DIAPH2: variants seen among roughly 807,000 people sequenced by gnomAD.
The protein encoded by DIAPH2 is protein diaphanous homolog 2.
In DIAPH2, 35 loss-of-function variants were observed where a neutral mutation model predicts 92.7. That is an observed-to-expected ratio of 0.38 (90% CI 0.29 to 0.50). The LOEUF is 0.50. Ranked by LOEUF, DIAPH2 falls within the 20% of genes least tolerant of loss-of-function variation. The probability of loss-of-function intolerance (pLI) is 0.94; values close to 1 mark genes in which losing one functional copy is unlikely to be tolerated. For missense variants in DIAPH2, 701 were observed against 819.5 expected (o/e 0.86, Z 1.77); for synonymous variants, 301 against 280.4 (o/e 1.07, Z -0.73).
intron 26 of DIAPH2, among the ~76,000 whole-genome samples, chrX:97,572,671 C>A (rs1276795615): frequency 2.7e-5 from 3 of 112,011 alleles, no homozygotes; most frequent in Non-Finnish European, 3.8e-5. Context: ...TTTTCTTTTT[C>A]TTTATTTGCC....
intron 4 of DIAPH2, among the ~76,000 whole-genome samples, chrX:96,779,189 CCTT>C (rs2064398785): frequency 8.9e-6 from 1 of 111,770 alleles, no homozygotes; most frequent in African/African-American, 3.2e-5. Flanking sequence ...ACCTCTTTAA[CCTT>C]CTTTGACTTT....
At chrX:97,564,526 A>C (rs1388933539) in intron 26 of DIAPH2, 1 of 111,904 alleles carries the variant, frequency 8.9e-6, no homozygotes, top group Non-Finnish European at 1.9e-5. Flanking sequence ...TAGCAGAAGG[A>C]GTAGAAGGGC....
At chrX:97,289,221 T>C (rs752519384) in intron 23 of DIAPH2, among the ~76,000 whole-genome samples, 6 of 112,082 alleles carry the variant, frequency 5.4e-5, no homozygotes, top group African/African-American at 1.6e-4. Context: ...TTCCCAGGTG[T>C]TGAAATGGTA....
chrX:97,453,918 C>A (rs1477181021), intron 26 of DIAPH2: 2 of 111,701 alleles, frequency 1.8e-5, no homozygotes, highest in Non-Finnish European at 3.8e-5. Flanking sequence ...TATTCTGTAA[C>A]ATTGCAGCAC....
intron 24 of DIAPH2, among the ~76,000 whole-genome samples, chrX:97,372,999 G>A (rs2069463073): frequency 9.1e-6 from 1 of 110,281 alleles, no homozygotes; most frequent in Admixed American, 9.6e-5. Flanking sequence ...AGAAAGAAAA[G>A]CCGTGTAACA....
chrX:97,599,150 G>A, intron 26 of DIAPH2, 103 bp from the exon 27 acceptor site: 1 of 470,616 alleles, frequency 2.1e-6, no homozygotes, highest in East Asian at 5.0e-5. Flanking sequence ...CATTTGAAGT[G>A]ATTTTTCAGG....
chrX:97,590,428 T>C, intron 26 of DIAPH2, among the ~76,000 whole-genome samples: 1 of 111,984 alleles, frequency 8.9e-6, no homozygotes, highest in East Asian at 2.8e-4. Context: ...AGATGACAGG[T>C]AAGTGTATTC....
chrX:96,890,184 C>T (rs150988869), intron 5 of DIAPH2, among the ~76,000 whole-genome samples: 26 of 110,584 alleles, frequency 2.4e-4, no homozygotes, highest in Middle Eastern at 4.6e-3. Context: ...GATCACTCCT[C>T]TGTGGTGACC....
At chrX:97,293,239 C>CT (rs2068610122) in intron 23 of DIAPH2, among the ~76,000 whole-genome samples, 1 of 70,949 alleles carries the variant, frequency 1.4e-5, no homozygotes, top group African/African-American at 5.4e-5. Flanking sequence ...GTTGATATTT[C>CT]TTTCTTTTTT....
In DIAPH2 at chrX:97,488,930, T is replaced by C. The variant is rs186019203; in HGVS notation, c.3241+59185T>C. Among the ~76,000 whole-genome samples the C allele has an allele frequency of 2.8e-4, 31 of 112,213 alleles. No individual in the cohort carries two copies. In the East Asian group the frequency reaches 8.1e-3, roughly 29 times the overall value. On this transcript the variant is annotated intron_variant, in intron 26 of 26. Coordinates refer to ENST00000324765, the MANE Select transcript of DIAPH2 (RefSeq NM_006729.5). ...TTCTCAAGATTTCTTTGGCTATTCA[T>C]GCTCTTTTGTAGTTATGAATTTTAC...
rs754033157 is a variant in DIAPH2, at chrX:96,959,716, G to C, written c.1935+1568G>C. On this transcript the variant is annotated intron_variant, in intron 16 of 26. Coordinates refer to ENST00000324765, the MANE Select transcript of DIAPH2 (RefSeq NM_006729.5). ...CCTATATTAGTGTCCTGGAGCATTT[G>C]TCTTGTTTTCTTCTAGTAGTTTTAT... Among the ~76,000 whole-genome samples, 141 of 111,463 alleles carry C rather than the reference G, an allele frequency of 1.3e-3. 1 individual carries two copies. The highest frequency in any genetic ancestry group is 4.2e-3 in the African/African-American group (129 of 30,769).
chrX:97,484,308 G>A (rs1810740958), intron 26 of DIAPH2, among the ~76,000 whole-genome samples: 1 of 111,432 alleles, frequency 9.0e-6, no homozygotes, highest in Non-Finnish European at 1.9e-5. Flanking sequence ...GTAAACTTAG[G>A]CAAATTATCT....
chrX:96,989,466 A>G (rs1330852158), intron 17 of DIAPH2, among the ~76,000 whole-genome samples: 3 of 111,878 alleles, frequency 2.7e-5, no homozygotes, highest in African/African-American at 9.7e-5. Flanking sequence ...GGGTTGTCTG[A>G]GCTTTGCAAC....
chrX:97,442,226 A>G (rs993218479), intron 26 of DIAPH2: 2 of 113,078 alleles, frequency 1.8e-5, no homozygotes, highest in Admixed American at 1.9e-4. Context: ...AGGACAAACA[A>G]TTATGCAGCA....
chrX:96,834,107 T>C (rs1446754280), intron 4 of DIAPH2, among the ~76,000 whole-genome samples: 1 of 112,166 alleles, frequency 8.9e-6, no homozygotes, highest in Non-Finnish European at 1.9e-5. Flanking sequence ...ATAAGTATTA[T>C]TTATTGAAAT....
intron 26 of DIAPH2, among the ~76,000 whole-genome samples, chrX:97,523,402 C>A (rs1447399756): frequency 1.8e-5 from 2 of 111,963 alleles, no homozygotes; most frequent in Non-Finnish European, 3.8e-5. Context: ...ATTAAATGGA[C>A]TGAACATCTC....
intron 8 of DIAPH2, among the ~76,000 whole-genome samples, chrX:96,916,801 G>T (rs1324958886): frequency 9.0e-6 from 1 of 111,096 alleles, no homozygotes; most frequent in Admixed American, 9.6e-5. Flanking sequence ...TTGAAAGTTG[G>T]ATTCAAAGTG....
chrX:97,525,039 C>T (rs1216117746), intron 26 of DIAPH2, among the ~76,000 whole-genome samples: 4 of 111,968 alleles, frequency 3.6e-5, no homozygotes, highest in Admixed American at 9.5e-5. Flanking sequence ...TCTTTGTAGG[C>T]GGCACCACCA....
chrX:97,102,341 G>A (rs755551192), intron 20 of DIAPH2, among the ~76,000 whole-genome samples: 5 of 110,779 alleles, frequency 4.5e-5, no homozygotes, highest in Non-Finnish European at 9.4e-5. Context: ...AACTTACCAC[G>A]AACATCCTAA....
Sources: gnomAD v4.1 joint callset for allele counts (sites outside exome capture counted in the v4.1 genomes callset) on GRCh38, gnomAD v4.1.1 for gene constraint, MANE v1.5 for transcripts, NCBI Gene and HGNC (gene_info 2026-07-23, HGNC 2026-07-21) for gene names.